CTNNA3: variants seen among roughly 807,000 people sequenced by gnomAD.
CTNNA3 encodes catenin alpha-3.
A neutral mutation model predicts 95.7 loss-of-function variants in CTNNA3; 76 were observed. The ratio of observed to expected loss-of-function variants is 0.79; its 90% CI spans 0.66 to 0.96. The LOEUF (loss-of-function observed/expected upper bound fraction) is 0.96. Ranked by LOEUF, CTNNA3 falls within the 40% of genes least tolerant of loss-of-function variation. The probability of loss-of-function intolerance (pLI) is 0.00; values close to 1 mark genes in which losing one functional copy is unlikely to be tolerated. For synonymous variants in CTNNA3, 431 were observed against 374.4 expected (o/e 1.15, Z -1.74); for missense variants, 1,191 against 1,089.8 (o/e 1.09, Z -1.31).
intron 13 of CTNNA3, among the ~76,000 whole-genome samples, chr10:66,152,260 T>C (rs1410858538): frequency 6.6e-6 from 1 of 151,814 alleles, no homozygotes; most frequent in African/African-American, 2.4e-5. Context: ...TAAATATACA[T>C]CCAATTTTAC....
chr10:66,168,199 G>T (rs1343067826), intron 13 of CTNNA3, among the ~76,000 whole-genome samples: 1 of 152,058 alleles, frequency 6.6e-6, no homozygotes, highest in Admixed American at 6.6e-5. Context: ...TTACTTTGTA[G>T]TTCTTATATT....
At chr10:67,457,797 A>G (rs1267454413) in intron 5 of CTNNA3, among the ~76,000 whole-genome samples, 2 of 152,112 alleles carry the variant, frequency 1.3e-5, no homozygotes, top group East Asian at 3.9e-4. Context: ...CATGGGGCCA[A>G]GTCCTTCTCA....
intron 7 of CTNNA3, among the ~76,000 whole-genome samples, chr10:66,919,134 TAAAAAA>T (rs5785804): frequency 8.9e-6 from 1 of 111,928 alleles, no homozygotes; most frequent in Non-Finnish European, 1.8e-5. Context: ...GACTCTGTCT[TAAAAAA>T]AAAAAAAAAA....
intron 5 of CTNNA3, among the ~76,000 whole-genome samples, chr10:67,455,289 A>C (rs1847130416): frequency 6.6e-6 from 1 of 152,182 alleles, no homozygotes; most frequent in Non-Finnish European, 1.5e-5. Flanking sequence ...GTATTTGAGA[A>C]GGAAAAAATA....
At position 67,159,149 on chromosome 10, in the gene CTNNA3, C is replaced by T. The variant is rs552151107; in HGVS notation, c.1047+21168G>A. On this transcript the variant is annotated intron_variant, in intron 7 of 17. Transcript: ENST00000433211. ...GAACAACACTGTGAAACTCCCTGCCCTGTTCTGTTTCTCTCTGACCGCCAG... is the reference window on the plus strand; with the variant it reads ...GAACAACACTGTGAAACTCCCTGCCTTGTTCTGTTTCTCTCTGACCGCCAG... 2.2e-3 allele frequency among the ~76,000 whole-genome samples: 339 copies of T among 152,328 alleles called. 3 individuals are homozygous for T. Among genetic ancestry groups the T allele is most frequent in the African/African-American group, 7.7e-3 (322 of 41,580 alleles).
chr10:65,967,467 T>A (rs2077997339), intron 16 of CTNNA3, among the ~76,000 whole-genome samples: 1 of 152,210 alleles, frequency 6.6e-6, no homozygotes. Context: ...CTACACTGTC[T>A]GTCCTGTGCT....
At chr10:67,524,262 G>A (rs1351899626) in intron 4 of CTNNA3, among the ~76,000 whole-genome samples, 1 of 152,072 alleles carries the variant, frequency 6.6e-6, no homozygotes, top group Non-Finnish European at 1.5e-5. Context: ...AATTAGCCAG[G>A]AGAGGTGGCG....
intron 7 of CTNNA3, among the ~76,000 whole-genome samples, chr10:66,789,964 A>G (rs1022087732): frequency 1.3e-5 from 2 of 152,168 alleles, no homozygotes; most frequent in Admixed American, 1.3e-4. Flanking sequence ...CTCGCTGAGC[A>G]ATTGCTGATG....
intron 5 of CTNNA3, among the ~76,000 whole-genome samples, chr10:67,465,438 A>C (rs1441192835): frequency 2.6e-5 from 4 of 152,162 alleles, no homozygotes; most frequent in Non-Finnish European, 5.9e-5. Context: ...AAGAGAGGAA[A>C]ACGATGAGGC....
intron 6 of CTNNA3, among the ~76,000 whole-genome samples, chr10:67,215,016 TTC>T (rs1864293190): frequency 6.6e-6 from 1 of 152,058 alleles, no homozygotes; most frequent in Admixed American, 6.6e-5. Flanking sequence ...TGTTTTATAC[TTC>T]TCTCTCTTCT....
At chr10:66,733,098 G>A (rs1034957457) in intron 9 of CTNNA3, among the ~76,000 whole-genome samples, 2 of 150,244 alleles carry the variant, frequency 1.3e-5, no homozygotes, top group African/African-American at 4.8e-5. Flanking sequence ...ACCTGGTCAA[G>A]TCATACCTTT....
chr10:67,380,759 G>A (rs1843910565), intron 5 of CTNNA3, among the ~76,000 whole-genome samples: 1 of 152,182 alleles, frequency 6.6e-6, no homozygotes, highest in Admixed American at 6.5e-5. Flanking sequence ...TTACAGAACT[G>A]ATATGATTTG....
At chr10:66,393,069 G>T (rs2092946696) in intron 11 of CTNNA3, among the ~76,000 whole-genome samples, 2 of 152,094 alleles carry the variant, frequency 1.3e-5, no homozygotes, top group African/African-American at 2.4e-5. Flanking sequence ...GATGAAAAAT[G>T]ATACATCAAG....
At chr10:66,701,152 T>C (rs1227282569) in intron 9 of CTNNA3, among the ~76,000 whole-genome samples, 4 of 152,176 alleles carry the variant, frequency 2.6e-5, no homozygotes, top group Non-Finnish European at 5.9e-5. Flanking sequence ...CCTTTGAACT[T>C]TGGTTGAGTA....
intron 7 of CTNNA3, among the ~76,000 whole-genome samples, chr10:67,056,376 G>A (rs1012805708): frequency 5.9e-5 from 9 of 152,054 alleles, no homozygotes; most frequent in African/African-American, 2.2e-4. Context: ...TCCCAATGTA[G>A]GACTGGATTA....
At chr10:66,513,901 G>A (rs551199604) in intron 11 of CTNNA3, among the ~76,000 whole-genome samples, 1 of 152,142 alleles carries the variant, frequency 6.6e-6, no homozygotes, top group African/African-American at 2.4e-5. Flanking sequence ...GAGACCCTGT[G>A]GCACCATTAG....
chr10:67,365,235 C>G (rs895705661), intron 5 of CTNNA3, among the ~76,000 whole-genome samples: 1 of 152,030 alleles, frequency 6.6e-6, no homozygotes, highest in African/African-American at 2.4e-5. Context: ...CAAGATGGAG[C>G]ACAGACTTAA....
At chr10:67,744,953 A>T (rs920555374) in intron 1 of CTNNA3, among the ~76,000 whole-genome samples, 1 of 152,166 alleles carries the variant, frequency 6.6e-6, no homozygotes, top group Non-Finnish European at 1.5e-5. Flanking sequence ...TCAAAACCAC[A>T]ATGAGATACC....
rs150245145 is a variant in CTNNA3 at position 66,526,180 on chromosome 10, G to A, written c.1375-5407C>T. Among the ~76,000 whole-genome samples, 732 of 152,064 alleles carry A rather than the reference G, an allele frequency of 4.8e-3. 6 individuals carry two copies. Among genetic ancestry groups the A allele is most frequent in the African/African-American group, 0.016 (677 of 41,478 alleles). ...GGGGTATATGCCCAGAAATGGAATT[G>A]CTGGATTATATGACAATTTTTTTAA... is the stretch of plus-strand genomic sequence containing the variant. On this transcript the variant is annotated intron_variant, in intron 10 of 17. Transcript: ENST00000433211.
Sources: allele counts gnomAD v4.1 joint callset (sites outside exome capture counted in the v4.1 genomes callset), GRCh38; gene constraint gnomAD v4.1.1; transcripts MANE v1.5; gene names NCBI Gene and HGNC (gene_info 2026-07-23, HGNC 2026-07-21).